FZD6: variants seen among roughly 807,000 people sequenced by gnomAD.
The protein encoded by FZD6 is frizzled-6.
Under a neutral mutation model 61.4 loss-of-function variants are expected in FZD6, and 49 were observed. That is an observed-to-expected ratio of 0.80 (90% CI 0.63 to 1.01). The LOEUF (loss-of-function observed/expected upper bound fraction) is 1.01, where lower values mean the gene tolerates loss of function less well. Ranked by LOEUF, FZD6 falls within the 50% of genes least tolerant of loss-of-function variation. The pLI is 0.00. For missense variants in FZD6, 724 were observed against 848.2 expected (o/e 0.85, Z 1.82); for synonymous variants, 265 against 292.2 (o/e 0.91, Z 0.95).
chr8:103,302,748 T>G (rs1814209546), intron 2 of FZD6, among the ~76,000 whole-genome samples: 3 of 152,222 alleles, frequency 2.0e-5, no homozygotes, highest in Admixed American at 1.3e-4. Flanking sequence ...TACCTCTGTT[T>G]AGCTCTGTCT....
chr8:103,317,709 C>T (rs1814667660), intron 2 of FZD6, among the ~76,000 whole-genome samples: 1 of 151,830 alleles, frequency 6.6e-6, no homozygotes, highest in Non-Finnish European at 1.5e-5. Context: ...GCCTATAGTC[C>T]TAGCTGCTTG....
At position 103,324,715 on chromosome 8, in the gene FZD6, A is replaced by C. The variant is rs1258387615; in HGVS notation, c.609A>C (p.Gly203=). 1 of 1,613,966 alleles carries C rather than the reference A, an allele frequency of 6.2e-7. No homozygotes were observed. The highest frequency in any genetic ancestry group is 1.3e-5 in the African/African-American group (1 of 74,916). The change falls in exon 4 of 7, where the codon GGA becomes GGC. Residue 203 remains glycine, a synonymous_variant. Coordinates refer to ENST00000358755, the MANE Select transcript of FZD6 (RefSeq NM_003506.4). ...DELEFAKSFI[G]TVSIFCLCAT... is the part of the protein sequence containing the mutation. ...TAGAGTTTGCAAAAAGTTTTATTGG[A>C]ACAGTTTCAATATTTTGTCTTTGTG...
intron 2 of FZD6, among the ~76,000 whole-genome samples, chr8:103,302,081 A>G (rs1292295718): frequency 1.1e-4 from 16 of 152,108 alleles, no homozygotes; most frequent in Admixed American, 1.0e-3. Flanking sequence ...ATTTAAGGAT[A>G]CAAAAGAAGA....
Position 103,299,989 on chromosome 8 carries a change from G to T in FZD6, c.-119G>T, listed in dbSNP as rs1051793032. On this transcript the variant is annotated 5_prime_UTR_variant, in exon 2 of 7. Coordinates refer to ENST00000358755, the MANE Select transcript of FZD6 (RefSeq NM_003506.4). Reference sequence around the variant, plus strand: ...CCAGGACTCATTTTCAGGAAAGCCTGAAAATGAGTAAAATAGTGAAATGAG... The same window carrying T: ...CCAGGACTCATTTTCAGGAAAGCCTTAAAATGAGTAAAATAGTGAAATGAG... The T allele has an allele frequency of 2.7e-6, 2 of 727,492 alleles. No individual in the cohort carries two copies. The highest frequency in any genetic ancestry group is 4.1e-5 in the Admixed American group (2 of 48,450). 45.1% of individuals were successfully genotyped at this position (727,492 alleles called of 1,614,324 possible). A position where few individuals can be genotyped will look rare whatever the true frequency, so the allele number is the denominator to read the frequency against.
chr8:103,328,888 A>G (rs1693663828), intron 5 of FZD6, among the ~76,000 whole-genome samples: 1 of 150,928 alleles, frequency 6.6e-6, no homozygotes, highest in Non-Finnish European at 1.5e-5. Flanking sequence ...CTAACTTTAA[A>G]TCTTATTACA....
In FZD6 at chr8:103,320,364, G is replaced by A. The variant is rs546822349; in HGVS notation, c.374+1578G>A. ...TTGAGAACTTCTCCAGCTGTGGTGGGATGCTTGGGGCTAAGCACAGAGAAG... is the reference window on the plus strand; with the variant it reads ...TTGAGAACTTCTCCAGCTGTGGTGGAATGCTTGGGGCTAAGCACAGAGAAG... On this transcript the variant is annotated intron_variant, in intron 3 of 6. Transcript: ENST00000358755. 3.9e-5 allele frequency among the ~76,000 whole-genome samples: 6 copies of A among 152,222 alleles called. No individual in the cohort carries two copies. The South Asian group carries it at 1.2e-3, about 32-fold the overall frequency.
chr8:103,327,783 A>G (rs1052377464), intron 4 of FZD6, among the ~76,000 whole-genome samples: 6 of 152,116 alleles, frequency 3.9e-5, no homozygotes, highest in Non-Finnish European at 7.4e-5. Flanking sequence ...TATAATTTCA[A>G]TTCTTAGGAA....
rs777689471 is a variant in FZD6, at chr8:103,325,352, C to T, written c.1246C>T (p.Arg416Ter). 7 of 1,614,052 alleles carry T rather than the reference C, an allele frequency of 4.3e-6. No homozygotes were observed. Among genetic ancestry groups the T allele is most frequent in the African/African-American group, 1.3e-5 (1 of 75,008 alleles). The change falls in exon 4 of 7, where the codon CGA becomes TGA. Residue 416 changes from arginine (R) to a stop codon, truncating the protein, a stop_gained. Coordinates refer to ENST00000358755, the MANE Select transcript of FZD6 (RefSeq NM_003506.4). LOFTEE classifies it high-confidence loss of function. ...NQEKLKKFMI[R>*]IGVFSGLYLV... ...AGAAAAACTAAAGAAATTTATGATT[C>T]GAATTGGAGTCTTCAGCGGCTTGTA...
chr8:103,329,373 T>C (rs1221459718), intron 5 of FZD6, among the ~76,000 whole-genome samples: 1 of 145,626 alleles, frequency 6.9e-6, no homozygotes, highest in East Asian at 2.0e-4. Context: ...ACGTTTATGC[T>C]GTTTTGAGCC....
Position 103,329,721 on chromosome 8 carries a change from A to G in FZD6, c.1608A>G (p.Lys536=), listed in dbSNP as rs1461375873. The G allele has an allele frequency of 6.2e-7, 1 of 1,612,244 alleles. No individual in the cohort carries two copies. The highest frequency in any genetic ancestry group is 8.5e-7 in the Non-Finnish European group (1 of 1,178,560). Residue 536 remains lysine (K), a synonymous_variant, in exon 6 of 7, where the codon AAA becomes AAG. Transcript: ENST00000358755. ...AGTTTTTCTTAAAGCACAATTCTAA[A>G]GTTAAACACAAAAAGAAGCACTATA... ...SCEFFLKHNS[K]VKHKKKHYKP... is the part of the protein sequence containing the mutation.
intron 3 of FZD6, 26 bp from the exon 4 acceptor site, chr8:103,324,455 A>G (rs372861162): frequency 1.4e-5 from 18 of 1,254,036 alleles, no homozygotes; most frequent in Non-Finnish European, 1.8e-5. Context: ...TTGATTTCAT[A>G]TATTTAATTT....
chr8:103,330,900 A>G (rs906832542), intron 6 of FZD6, among the ~76,000 whole-genome samples: 10 of 152,348 alleles, frequency 6.6e-5, no homozygotes, highest in Admixed American at 2.0e-4. Context: ...TTATTTGGCC[A>G]GGCACGGTGG....
At chr8:103,328,130 G>T in intron 4 of FZD6, 138 bp from the exon 5 acceptor site, 1 of 660,258 alleles carries the variant, frequency 1.5e-6, no homozygotes, top group Non-Finnish European at 2.6e-6. Context: ...CTTAGAGCAT[G>T]CTTCATTATA....
At chr8:103,311,381 T>C (rs1814491588) in intron 2 of FZD6, among the ~76,000 whole-genome samples, 1 of 152,200 alleles carries the variant, frequency 6.6e-6, no homozygotes, top group Admixed American at 6.5e-5. Flanking sequence ...TTAGCTTCCA[T>C]AGTGTCTTAC....
At position 103,320,609 on chromosome 8, in the gene FZD6, T is replaced by C. The variant is rs60542330; in HGVS notation, c.374+1823T>C. Among the ~76,000 whole-genome samples, 1,514 of 151,708 alleles carry C rather than the reference T, an allele frequency of 1.0e-2. 34 individuals are homozygous for C. Among genetic ancestry groups the C allele is most frequent in the African/African-American group, 0.034 (1,415 of 41,316 alleles). Reference sequence around the variant, plus strand: ...CAATGAGGTTTTTTTTTTAAAGGCATAATGAGGATTTTTTAAAAAATGAAT... The same window carrying C: ...CAATGAGGTTTTTTTTTTAAAGGCACAATGAGGATTTTTTAAAAAATGAAT... On this transcript the variant is annotated intron_variant, in intron 3 of 6. Coordinates refer to ENST00000358755, the MANE Select transcript of FZD6 (RefSeq NM_003506.4).
chr8:103,325,806 C>T (rs1814936308), intron 4 of FZD6, among the ~76,000 whole-genome samples: 1 of 152,160 alleles, frequency 6.6e-6, no homozygotes, highest in Non-Finnish European at 1.5e-5. Context: ...GGGAGAAAAA[C>T]AGAAGTCACT....
chr8:103,324,680 A>G lies in FZD6; in HGVS notation c.574A>G (p.Ser192Gly). The G allele has an allele frequency of 6.2e-7, 1 of 1,614,064 alleles. No individual in the cohort carries two copies. The highest frequency in any genetic ancestry group is 1.1e-5 in the South Asian group (1 of 91,080). The part of the protein sequence containing the change: ...APPCPNMYFK[S>G]DELEFAKSFI... Reference sequence around the variant, plus strand: ...TCCATGCCCCAACATGTATTTTAAAAGTGATGAGCTAGAGTTTGCAAAAAG... The same window carrying G: ...TCCATGCCCCAACATGTATTTTAAAGGTGATGAGCTAGAGTTTGCAAAAAG... The change falls in exon 4 of 7, where the codon AGT becomes GGT. Residue 192 changes from serine to glycine, a missense_variant. Ser to Gly is a moderately conservative substitution (Grantham distance 56). Transcript: ENST00000358755.
rs939340612 is a variant in FZD6 at position 103,332,576 on chromosome 8, CACA to C, written c.*1070_*1072del. 6.6e-6 allele frequency: 1 copy of C among 152,460 alleles called. No homozygotes were observed. Among genetic ancestry groups the C allele is most frequent in the Non-Finnish European group, 1.5e-5 (1 of 68,010 alleles). 9.4% of individuals were successfully genotyped at this position (152,460 alleles called of 1,614,324 possible). ...AAAAAGGTAGTTTTAATAAACAAGA[CACA>C]ACGTTTTTATACAACATACTTTAAA... On this transcript the variant is annotated 3_prime_UTR_variant, in exon 7 of 7. Transcript: ENST00000358755.
intron 2 of FZD6, among the ~76,000 whole-genome samples, chr8:103,316,881 A>G (rs1814639218): frequency 6.6e-6 from 1 of 152,226 alleles, no homozygotes; most frequent in South Asian, 2.1e-4. Context: ...ATATAGAGAA[A>G]TGGCCATGTA....
Sources: gnomAD v4.1 joint callset for allele counts (sites outside exome capture counted in the v4.1 genomes callset) on GRCh38, gnomAD v4.1.1 for gene constraint, MANE v1.5 for transcripts, NCBI Gene and HGNC (gene_info 2026-07-23, HGNC 2026-07-21) for gene names.